STK10: variants seen among roughly 807,000 people sequenced by gnomAD.
The protein encoded by STK10 is serine/threonine kinase 10.
A neutral mutation model predicts 113.8 loss-of-function variants in STK10; 78 were observed. The ratio of observed to expected loss-of-function variants is 0.69; its 90% CI spans 0.57 to 0.83. STK10 has a LOEUF of 0.83. STK10 is among the 40% of genes least tolerant of loss of function. The pLI, the probability that STK10 is intolerant of heterozygous loss-of-function variation, is 0.00. For synonymous variants in STK10, 465 were observed against 494.7 expected (o/e 0.94, Z 0.80); for missense variants, 1,109 against 1,280.1 (o/e 0.87, Z 2.04).
chr5:172,061,034 G>A, intron 14 of STK10, 105 bp downstream of exon 14: 2 of 1,444,166 alleles, frequency 1.4e-6, no homozygotes, highest in Non-Finnish European at 9.1e-7. Flanking sequence ...TAGTTTTGGG[G>A]ATGGAGAAGG....
At chr5:172,138,371 C>T (rs1042402503) in intron 2 of STK10, among the ~76,000 whole-genome samples, 3 of 152,144 alleles carry the variant, frequency 2.0e-5, no homozygotes, top group African/African-American at 7.2e-5. Flanking sequence ...ATCCGCCCAC[C>T]TTGGCCTCCC....
Position 172,168,910 on chromosome 5 carries a change from G to T in STK10, c.157-12122C>A, listed in dbSNP as rs1008158152. ...GAAACACTCAGGGTGAACCCTCAAG[G>T]GCTCCTAGCTGCTGACAAGCTAACG... On this transcript the variant is annotated intron_variant, in intron 1 of 18. Coordinates refer to ENST00000176763, the MANE Select transcript of STK10 (RefSeq NM_005990.4). Among the ~76,000 whole-genome samples the T allele has an allele frequency of 4.6e-5, 7 of 151,930 alleles. No individual in the cohort carries two copies. The South Asian group carries it at 1.2e-3, about 27-fold the overall frequency.
At chr5:172,090,935 TAAAAAAA>T (rs547251159) in intron 9 of STK10, among the ~76,000 whole-genome samples, 3 of 46,098 alleles carry the variant, frequency 6.5e-5, no homozygotes, top group African/African-American at 9.6e-5. Context: ...ACTCCGTCTC[TAAAAAAA>T]AAAAAAAAAA....
intron 3 of STK10, among the ~76,000 whole-genome samples, chr5:172,119,283 CGA>C (rs1769452574): frequency 6.6e-6 from 1 of 152,124 alleles, no homozygotes; most frequent in Non-Finnish European, 1.5e-5. Context: ...GAAAGTGACT[CGA>C]GGTCAGAGGT....
intron 8 of STK10, among the ~76,000 whole-genome samples, chr5:172,094,810 G>A: frequency 6.6e-6 from 1 of 152,202 alleles, no homozygotes; most frequent in Non-Finnish European, 1.5e-5. Flanking sequence ...CCTGTCTGGG[G>A]ACTGGATTCA....
In STK10 at chr5:172,100,358, C is replaced by T. The variant is rs1017127748; in HGVS notation, c.871-3798G>A. Among the ~76,000 whole-genome samples, 52 of 152,268 alleles carry T rather than the reference C, an allele frequency of 3.4e-4. 1 individual carries two copies. Among genetic ancestry groups the T allele is most frequent in the Middle Eastern group, 3.4e-3 (1 of 294 alleles). On this transcript the variant is annotated intron_variant, in intron 7 of 18. Coordinates refer to ENST00000176763, the MANE Select transcript of STK10 (RefSeq NM_005990.4). ...TGCCATCTTTGCTGAAAAAGGCAAC[C>T]GGCAGCTGCTCTCTAGCCAGGGCCT... is the stretch of plus-strand genomic sequence containing the variant.
chr5:172,164,870 G>A (rs966695496), intron 1 of STK10, among the ~76,000 whole-genome samples: 5 of 152,364 alleles, frequency 3.3e-5, no homozygotes, highest in Non-Finnish European at 5.9e-5. Flanking sequence ...TCCGGCGCAC[G>A]ATGAGGGGAG....
intron 12 of STK10, among the ~76,000 whole-genome samples, chr5:172,068,678 A>C (rs774621112): frequency 1.3e-5 from 2 of 152,088 alleles, no homozygotes; most frequent in Non-Finnish European, 2.9e-5. Context: ...GTGATAGGCC[A>C]GGTGTGGTGG....
rs1041361991 is a variant in STK10 at position 172,086,874 on chromosome 5, G to C, written c.1685+3358C>G. ...AGCACACAGCTGCTCTGCTCAGGAGGAGGGTGGGGAACCACAGCCAGGGCC... is the reference window on the plus strand; with the variant it reads ...AGCACACAGCTGCTCTGCTCAGGAGCAGGGTGGGGAACCACAGCCAGGGCC... On this transcript the variant is annotated intron_variant, in intron 10 of 18. Transcript: ENST00000176763. 1.6e-4 allele frequency among the ~76,000 whole-genome samples: 25 copies of C among 152,236 alleles called. 1 individual carries two copies. The highest frequency in any genetic ancestry group is 7.3e-5 in the Non-Finnish European group (5 of 68,046).
intron 4 of STK10, among the ~76,000 whole-genome samples, chr5:172,115,384 G>A (rs941856557): frequency 1.3e-5 from 2 of 152,298 alleles, no homozygotes; most frequent in Middle Eastern, 6.8e-3. Context: ...CCTGAGCTTG[G>A]TGGAGAGGGT....
intron 10 of STK10, among the ~76,000 whole-genome samples, chr5:172,087,321 C>T (rs1435132838): frequency 2.0e-5 from 3 of 152,032 alleles, no homozygotes; most frequent in African/African-American, 7.3e-5. Context: ...GTCGCCCAGG[C>T]TGGAGTGTAG....
At chr5:172,151,495 C>T (rs911315729) in intron 2 of STK10, among the ~76,000 whole-genome samples, 10 of 152,086 alleles carry the variant, frequency 6.6e-5, no homozygotes, top group African/African-American at 9.7e-5. Context: ...TACAGGCACA[C>T]GCCACCACGC....
At chr5:172,153,260 T>A (rs1425606553) in intron 2 of STK10, among the ~76,000 whole-genome samples, 1 of 136,880 alleles carries the variant, frequency 7.3e-6, no homozygotes. Flanking sequence ...CACTCCAGCC[T>A]GGGCAACAGG....
At chr5:172,079,688 G>A (rs1236759821) in intron 12 of STK10, among the ~76,000 whole-genome samples, 1 of 152,016 alleles carries the variant, frequency 6.6e-6, no homozygotes, top group South Asian at 2.1e-4. Flanking sequence ...AGCCTCCCGA[G>A]TAGCTGGGAT....
intron 1 of STK10, among the ~76,000 whole-genome samples, chr5:172,160,026 C>T (rs1004940073): frequency 2.1e-4 from 32 of 151,836 alleles, no homozygotes; most frequent in African/African-American, 5.8e-4. Context: ...ATCCCAGCTA[C>T]TTAGGAAGCT....
In STK10 at chr5:172,075,179, A is replaced by G. The variant is rs143258580; in HGVS notation, c.1989+7147T>C. Among the ~76,000 whole-genome samples the G allele has an allele frequency of 2.3e-3, 355 of 152,164 alleles. 12 individuals carry two copies. The East Asian group carries it at 0.063, about 27-fold the overall frequency. ...ACCAAGACCCTGTCAAAAAAAGAAA[A>G]AAAAAAAAAAGTACTTCTGCTCTAT... is the stretch of plus-strand genomic sequence containing the variant. On this transcript the variant is annotated intron_variant, in intron 12 of 18. Transcript: ENST00000176763.
Position 172,124,486 on chromosome 5 carries a change from A to G in STK10, c.370+2887T>C, listed in dbSNP as rs142758012. 9.7e-3 allele frequency among the ~76,000 whole-genome samples: 1,483 copies of G among 152,312 alleles called. 16 individuals carry two copies. The highest frequency in any genetic ancestry group is 0.015 in the South Asian group (74 of 4,826). Reference sequence around the variant, plus strand: ...TGCCTGCTGAGAGAAGGCACACCCAAGAGCCATATAACATGTGCCATGTAT... The same window carrying G: ...TGCCTGCTGAGAGAAGGCACACCCAGGAGCCATATAACATGTGCCATGTAT... On this transcript the variant is annotated intron_variant, in intron 3 of 18. Coordinates refer to ENST00000176763, the MANE Select transcript of STK10 (RefSeq NM_005990.4).
intron 1 of STK10, among the ~76,000 whole-genome samples, chr5:172,180,292 C>T (rs951361041): frequency 2.0e-5 from 3 of 151,090 alleles, no homozygotes; most frequent in Non-Finnish European, 4.4e-5. Flanking sequence ...GGCAAAATCT[C>T]GTCTCTACTA....
At chr5:172,140,570 G>T (rs1200744918) in intron 2 of STK10, among the ~76,000 whole-genome samples, 1 of 152,190 alleles carries the variant, frequency 6.6e-6, no homozygotes, top group Non-Finnish European at 1.5e-5. Context: ...GGTGGCACAT[G>T]CCTGTAATCC....
Sources: gnomAD v4.1 joint callset for allele counts (sites outside exome capture counted in the v4.1 genomes callset) on GRCh38, gnomAD v4.1.1 for gene constraint, MANE v1.5 for transcripts, NCBI Gene and HGNC (gene_info 2026-07-23, HGNC 2026-07-21) for gene names.